Variants in PTPRT observed in about 807,000 individuals in gnomAD.
PTPRT encodes receptor-type tyrosine-protein phosphatase T.
Under a neutral mutation model 176.8 loss-of-function variants are expected in PTPRT, and 56 were observed. The ratio of observed to expected loss-of-function variants is 0.32; its 90% confidence interval spans 0.26 to 0.40. The LOEUF is 0.40. Ranked by LOEUF, PTPRT falls within the 10% of genes least tolerant of loss-of-function variation. The pLI, the probability that PTPRT is intolerant of heterozygous loss-of-function variation, is 1.00. For synonymous variants in PTPRT, 783 were observed against 739.0 expected (o/e 1.06, Z -0.96); for missense variants, 1,540 against 1,908.2 (o/e 0.81, Z 3.60).
At chr20:42,650,472 C>T (rs2075009666) in intron 7 of PTPRT, among the ~76,000 whole-genome samples, 1 of 152,156 alleles carries the variant, frequency 6.6e-6, no homozygotes, top group South Asian at 2.1e-4. Flanking sequence ...TCATGAAAAA[C>T]AATTGCTCAA....
the PTPRT span, among the ~76,000 whole-genome samples, chr20:42,035,926 C>T: frequency 5.9e-4 from 90 of 152,250 alleles, 1 homozygote; most frequent in African/African-American, 2.1e-3. Flanking sequence ...TTTGTTCCAT[C>T]TAAAGTAGAC....
intron 17 of PTPRT, among the ~76,000 whole-genome samples, chr20:42,157,317 A>G (rs899450257): frequency 4.0e-5 from 6 of 151,194 alleles, no homozygotes; most frequent in Admixed American, 2.0e-4. Flanking sequence ...TACTTGTGGC[A>G]GACTGTATTA....
At chr20:42,495,469 T>G (rs1168602658) in intron 7 of PTPRT, among the ~76,000 whole-genome samples, 1 of 152,158 alleles carries the variant, frequency 6.6e-6, no homozygotes, top group Non-Finnish European at 1.5e-5. Context: ...TCCATGCACC[T>G]GGCATCCTAC....
chr20:42,050,543 A>AG, the PTPRT span, among the ~76,000 whole-genome samples: 2 of 152,150 alleles, frequency 1.3e-5, no homozygotes. Context: ...CCCACAATGG[A>AG]CCATGTATTG....
intron 16 of PTPRT, among the ~76,000 whole-genome samples, chr20:42,185,789 A>C (rs1375356243): frequency 6.6e-6 from 1 of 152,192 alleles, no homozygotes; most frequent in Non-Finnish European, 1.5e-5. Flanking sequence ...TCAGGTATTC[A>C]TTCTGTGCCA....
chr20:42,577,969 G>GTGTGTGTGTGTGTGTGTGTA (rs564005742), intron 7 of PTPRT, among the ~76,000 whole-genome samples: 24 of 140,416 alleles, frequency 1.7e-4, no homozygotes, highest in African/African-American at 6.4e-4. Flanking sequence ...GTGTGTGTGT[G>GTGTGTGTGTGTGTGTGTGTA]TAGGCATACC....
At chr20:43,038,963 G>T (rs888581748) in intron 1 of PTPRT, among the ~76,000 whole-genome samples, 1 of 152,198 alleles carries the variant, frequency 6.6e-6, no homozygotes, top group Non-Finnish European at 1.5e-5. Flanking sequence ...GAGGTATGTT[G>T]TACTTAGATA....
In PTPRT at chr20:43,062,842, A is replaced by G. The variant is rs572813043; in HGVS notation, c.88+126804T>C. 2.2e-4 allele frequency among the ~76,000 whole-genome samples: 33 copies of G among 152,306 alleles called. No individual in the cohort carries two copies. In the South Asian group the frequency reaches 6.8e-3, roughly 32 times the overall value. On this transcript the variant is annotated intron_variant, in intron 1 of 30. Transcript: ENST00000373187. ...TTCTCTAATAAGGTCATTGAGGGGA[A>G]AAGAATCCTGGACTCTCTAATCCCT...
At chr20:42,971,850 T>C (rs902774127) in intron 1 of PTPRT, among the ~76,000 whole-genome samples, 14 of 152,058 alleles carry the variant, frequency 9.2e-5, no homozygotes, top group African/African-American at 3.4e-4. Context: ...CAAATGTTAA[T>C]TGAGCACCTA....
intron 18 of PTPRT, among the ~76,000 whole-genome samples, chr20:42,141,586 G>T (rs1253635624): frequency 6.6e-6 from 1 of 152,144 alleles, no homozygotes; most frequent in African/African-American, 2.4e-5. Context: ...AGCCCTTTTG[G>T]CTGGGCTTCT....
intron 7 of PTPRT, among the ~76,000 whole-genome samples, chr20:42,654,893 C>T (rs1025624196): frequency 6.6e-6 from 1 of 152,190 alleles, no homozygotes; most frequent in Non-Finnish European, 1.5e-5. Flanking sequence ...ATCACTACTA[C>T]CCGCATTGAA....
Position 43,108,690 on chromosome 20 carries a change from G to A in PTPRT, c.88+80956C>T, listed in dbSNP as rs145447595. Among the ~76,000 whole-genome samples the A allele has an allele frequency of 5.1e-3, 769 of 152,028 alleles. 7 individuals are homozygous for A. The highest frequency in any genetic ancestry group is 0.017 in the African/African-American group (712 of 41,472). Reference sequence around the variant, plus strand: ...AAAGCACTCCAAATTCCCTAGCATCGCACAGAGGCAGGGTTGGCGTGGGGG... The same window carrying A: ...AAAGCACTCCAAATTCCCTAGCATCACACAGAGGCAGGGTTGGCGTGGGGG... On this transcript the variant is annotated intron_variant, in intron 1 of 30. Transcript: ENST00000373187.
Position 42,132,526 on chromosome 20 carries a change from C to G in PTPRT, c.2771-3696G>C, listed in dbSNP as rs78163894. Among the ~76,000 whole-genome samples the G allele has an allele frequency of 1.9e-3, 296 of 152,228 alleles. 1 individual carries two copies. The highest frequency in any genetic ancestry group is 3.9e-3 in the Non-Finnish European group (264 of 68,020). ...AATGGGAGAAAGATCTGAACAGACA[C>G]CTAATCAAGGAAGATATACAGATGG... On this transcript the variant is annotated intron_variant, in intron 18 of 30. Coordinates refer to ENST00000373187, the MANE Select transcript of PTPRT (RefSeq NM_007050.6).
At chr20:43,081,463 T>C (rs1424696641) in intron 1 of PTPRT, among the ~76,000 whole-genome samples, 1 of 152,246 alleles carries the variant, frequency 6.6e-6, no homozygotes, top group Non-Finnish European at 1.5e-5. Context: ...GATATCTAAA[T>C]TGCTTCTATA....
chr20:42,865,448 T>C (rs1183153759), intron 2 of PTPRT, among the ~76,000 whole-genome samples: 1 of 152,212 alleles, frequency 6.6e-6, no homozygotes, highest in Non-Finnish European at 1.5e-5. Context: ...TTATTCAATA[T>C]TCATTGAGGG....
chr20:42,795,041 G>A (rs1396698669), intron 2 of PTPRT, among the ~76,000 whole-genome samples: 3 of 152,104 alleles, frequency 2.0e-5, no homozygotes, highest in African/African-American at 4.8e-5. Flanking sequence ...TGTGGGGCCC[G>A]CTTTGATCAA....
chr20:42,993,550 A>G (rs1222347287), intron 1 of PTPRT, among the ~76,000 whole-genome samples: 3 of 142,560 alleles, frequency 2.1e-5, no homozygotes, highest in Non-Finnish European at 3.0e-5. Context: ...GTGTATATAT[A>G]TACACATATA....
Position 42,771,455 on chromosome 20 carries a change from G to A in PTPRT, c.664C>T (p.His222Tyr). The A allele has an allele frequency of 6.2e-7, 1 of 1,614,022 alleles. No homozygotes were observed. The highest frequency in any genetic ancestry group is 8.5e-7 in the Non-Finnish European group (1 of 1,179,934). ...CTTACCTGGAGCCAAAGCTTGTCAT[G>A]CTGAGACCACTTCCCACCAGCAATG... ...QCIAGGKWSQ[H>Y]DKLWLQQWNG... The change falls in exon 5 of 31, where the codon CAT becomes TAT. Residue 222 changes from histidine (H) to tyrosine (Y), a missense_variant. Transcript: ENST00000373187.
chr20:42,472,766 C>T (rs1035151791), intron 7 of PTPRT, among the ~76,000 whole-genome samples: 1 of 152,114 alleles, frequency 6.6e-6, no homozygotes, highest in Non-Finnish European at 1.5e-5. Context: ...TAAATACATG[C>T]ATCTAATAGA....
Sources: gnomAD v4.1 joint callset for allele counts (sites outside exome capture counted in the v4.1 genomes callset) on GRCh38, gnomAD v4.1.1 for gene constraint, MANE v1.5 for transcripts, NCBI Gene and HGNC (gene_info 2026-07-23, HGNC 2026-07-21) for gene names.